Variants in GGA3 observed in about 807,000 individuals in gnomAD.
GGA3 encodes golgi associated, gamma adaptin ear containing, ARF binding protein 3.
In GGA3, 57 loss-of-function variants were observed where a neutral mutation model predicts 77.5. The observed-to-expected ratio is 0.74, with a 90% confidence interval of 0.59 to 0.92. The LOEUF (loss-of-function observed/expected upper bound fraction) is 0.92, where lower values mean the gene tolerates loss of function less well. Among genes scored for constraint, GGA3 ranks in the 40% least tolerant of loss-of-function variants. GGA3 has a pLI of 0.00. For missense variants in GGA3, 970 were observed against 914.9 expected (o/e 1.06, Z -0.78); for synonymous variants, 416 against 383.7 (o/e 1.08, Z -0.98).
intron 13 of GGA3, 27 bp from the exon 14 acceptor site, chr17:75,239,598 C>T (rs541997679): frequency 1.5e-5 from 23 of 1,532,050 alleles, no homozygotes; most frequent in Middle Eastern, 3.5e-4. Context: ...ATGGAAAGCA[C>T]GTCAGAGAGC....
chr17:75,237,674 T>C lies in GGA3; in HGVS notation c.*605A>G. 6.8e-7 allele frequency: 1 copy of C among 1,477,854 alleles called. No homozygotes were observed. The highest frequency in any genetic ancestry group is 9.0e-7 in the Non-Finnish European group (1 of 1,115,342). The allele number at this position is 1,477,854 out of a possible 1,614,324, so 91.5% of individuals were successfully genotyped here. ...CAGGGACAAGCACACAACTCATCACTCCGTGGCCATTCCAGGACGATGCTG... is the reference window on the plus strand; with the variant it reads ...CAGGGACAAGCACACAACTCATCACCCCGTGGCCATTCCAGGACGATGCTG... On this transcript the variant is annotated 3_prime_UTR_variant, in exon 17 of 17. Transcript: ENST00000537686.
At chr17:75,248,592 G>A (rs569806534) in intron 1 of GGA3, among the ~76,000 whole-genome samples, 11 of 150,298 alleles carry the variant, frequency 7.3e-5, no homozygotes, top group Non-Finnish European at 1.3e-4. Flanking sequence ...TTCAAGACCA[G>A]CCTGACCAAC....
chr17:75,256,110 T>C (rs1056926681), intron 1 of GGA3, among the ~76,000 whole-genome samples: 1 of 152,156 alleles, frequency 6.6e-6, no homozygotes, highest in Non-Finnish European at 1.5e-5. Context: ...TTCCTAGGCA[T>C]GGTTAGTGTG....
chr17:75,240,511 T>C (rs1024758458), intron 11 of GGA3, 99 bp from the exon 12 acceptor site: 5 of 784,204 alleles, frequency 6.4e-6, no homozygotes, highest in African/African-American at 5.2e-5. Flanking sequence ...GTGACATCAA[T>C]GGGTGAAGGC....
chr17:75,249,108 C>CCATGGTGGCCA (rs2076872006), intron 1 of GGA3: 3 of 525,896 alleles, frequency 5.7e-6, no homozygotes, highest in African/African-American at 4.3e-5. Flanking sequence ...TGCAGTGGCG[C>CCATGGTGGCCA]GATCTAGGCT....
At chr17:75,243,618 A>G (rs766491563) in intron 4 of GGA3, 48 bp from the exon 5 acceptor site, 36 of 1,597,138 alleles carry the variant, frequency 2.3e-5, no homozygotes, top group Non-Finnish European at 5.1e-6. Context: ...GTTCGGAGGC[A>G]GAGAAAGTGT....
chr17:75,251,961 T>C (rs1438050301), intron 1 of GGA3, among the ~76,000 whole-genome samples: 2 of 152,004 alleles, frequency 1.3e-5, no homozygotes, highest in Non-Finnish European at 2.9e-5. Flanking sequence ...AGACAGAATT[T>C]TGCCATGTTG....
Position 75,237,703 on chromosome 17 carries a change from A to G in GGA3, c.*576T>C, listed in dbSNP as rs1469289002. 6 of 1,453,828 alleles carry G rather than the reference A, an allele frequency of 4.1e-6. No homozygotes were observed. The highest frequency in any genetic ancestry group is 5.4e-6 in the Non-Finnish European group (6 of 1,104,690). 90.1% of individuals were successfully genotyped at this position (1,453,828 alleles called of 1,614,324 possible). On this transcript the variant is annotated 3_prime_UTR_variant, in exon 17 of 17. Transcript: ENST00000537686. ...TGGCCATTCCAGGACGATGCTGTCC[A>G]CCAGAGGCAGGGCTGGGGACTTTGC...
intron 12 of GGA3, 92 bp from the exon 13 acceptor site, chr17:75,240,200 A>G: frequency 8.2e-7 from 1 of 1,224,490 alleles, no homozygotes; most frequent in Non-Finnish European, 1.2e-6. Flanking sequence ...TGCACGGAAG[A>G]CAGCCCCGGA....
At chr17:75,245,923 C>T (rs2076740140) in intron 3 of GGA3, among the ~76,000 whole-genome samples, 1 of 152,176 alleles carries the variant, frequency 6.6e-6, no homozygotes, top group South Asian at 2.1e-4. Flanking sequence ...GACCTGAATG[C>T]AGTCAGGCTA....
At position 75,244,677 on chromosome 17, in the gene GGA3, T is replaced by C. The variant is rs754313719; in HGVS notation, c.242A>G (p.His81Arg). 5 of 1,614,084 alleles carry C rather than the reference T, an allele frequency of 3.1e-6. No homozygotes were observed. The highest frequency in any genetic ancestry group is 1.1e-5 in the South Asian group (1 of 91,080). The change falls in exon 4 of 17, where the codon CAT (histidine) becomes CGT (arginine). Residue 81 changes from histidine to arginine, a missense_variant. His to Arg is a conservative substitution (Grantham distance 29). Transcript: ENST00000537686. ...ACMKNCGRRF[H>R]NEVGKFRFLN... ...AAAGCGGAACTTCCCCACTTCGTTA[T>C]GAAATCTCCTCCCACAGTTCTTCAT...
chr17:75,262,004 GGC>G (rs36039201), upstream of GGA3: 1,311,206 of 1,557,946 alleles, frequency 0.84, 544,674 homozygotes, highest in East Asian at 0.94. Flanking sequence ...GGCGAGCAGC[GGC>G]GGGGGGGCGC....
At chr17:75,257,723 C>T (rs886648694) in intron 1 of GGA3, among the ~76,000 whole-genome samples, 3 of 152,202 alleles carry the variant, frequency 2.0e-5, no homozygotes, top group African/African-American at 7.2e-5. Context: ...CACGCCGCCC[C>T]TAATCCCACT....
intron 1 of GGA3, among the ~76,000 whole-genome samples, chr17:75,254,899 TTCC>T (rs2145585343): frequency 6.6e-6 from 1 of 152,110 alleles, no homozygotes; most frequent in East Asian, 1.9e-4. Flanking sequence ...CAGCCCGGGA[TTCC>T]TCCTAAGCGA....
Position 75,237,473 on chromosome 17 carries a change from T to C in GGA3, c.*806A>G, listed in dbSNP as rs1470574525. 6.5e-7 allele frequency: 1 copy of C among 1,535,090 alleles called. No individual in the cohort carries two copies. The highest frequency in any genetic ancestry group is 1.2e-5 in the South Asian group (1 of 84,042). ...TTCATGCCAAGCAAGAGGTAGTCAG[T>C]AGGATGGCCTGTCCCCACGGCTGGA... On this transcript the variant is annotated 3_prime_UTR_variant, in exon 17 of 17. Coordinates refer to ENST00000537686, the MANE Select transcript of GGA3 (RefSeq NM_138619.4).
rs559761140 is a variant in GGA3, at chr17:75,239,214, C to T, written c.1781-131G>A. ...GCTTCCTAACGGAATCTGGGAGAGGCGCTCAGTGAGGAGCTTAAGACTGAG... is the reference window on the plus strand; with the variant it reads ...GCTTCCTAACGGAATCTGGGAGAGGTGCTCAGTGAGGAGCTTAAGACTGAG... On this transcript the variant is annotated intron_variant, in intron 14 of 16. Transcript: ENST00000537686. 5.2e-5 allele frequency: 52 copies of T among 1,000,336 alleles called. 1 individual carries two copies. In the East Asian group the frequency reaches 6.8e-4, roughly 13 times the overall value. The allele number at this position is 1,000,336 out of a possible 1,614,324, so 62.0% of individuals were successfully genotyped here. A position where few individuals can be genotyped will look rare whatever the true frequency, so the allele number is the denominator to read the frequency against.
rs762881402 is a variant in GGA3, at chr17:75,239,447, G to A, written c.1708C>T (p.Gln570Ter). ...PLFQPLSFQS[Q>*]GSPPKGPELS... ...TCAGGCCCCTTCGGGGGGCTGCCCT[G>A]GGACTGGAAACTCAGTGGCTGGAAG... The change falls in exon 14 of 17, where the codon CAG (glutamine) becomes TAG (stop). Residue 570 changes from glutamine (Q) to a stop codon, truncating the protein, a stop_gained. Transcript: ENST00000537686. LOFTEE classifies it high-confidence loss of function. 6.3e-7 allele frequency: 1 copy of A among 1,580,804 alleles called. No individual in the cohort carries two copies. Among genetic ancestry groups the A allele is most frequent in the Non-Finnish European group, 8.5e-7 (1 of 1,170,970 alleles).
chr17:75,242,511 A>C (rs775642958), intron 7 of GGA3, 38 bp from the exon 8 acceptor site: 1 of 1,612,612 alleles, frequency 6.2e-7, no homozygotes, highest in Non-Finnish European at 8.5e-7. Flanking sequence ...AGAGAGCGTC[A>C]CTTGACTGTC....
At chr17:75,249,413 A>T (rs2076883772) in intron 1 of GGA3, among the ~76,000 whole-genome samples, 1 of 152,216 alleles carries the variant, frequency 6.6e-6, no homozygotes, top group Admixed American at 6.5e-5. Context: ...GGTCCTTCAA[A>T]ATCTGGAGCT....
Sources: allele counts gnomAD v4.1 joint callset (sites outside exome capture counted in the v4.1 genomes callset), GRCh38; gene constraint gnomAD v4.1.1; transcripts MANE v1.5; gene names NCBI Gene and HGNC (gene_info 2026-07-23, HGNC 2026-07-21).